GPC1: variants seen among roughly 807,000 people sequenced by gnomAD.
The protein encoded by GPC1 is glypican 1.
GPC1 carries 26 observed loss-of-function variants against 51.5 expected under a neutral mutation model. The ratio of observed to expected loss-of-function variants is 0.50; its 90% CI spans 0.37 to 0.70. GPC1 has a LOEUF of 0.70. Ranked by LOEUF, GPC1 falls within the 30% of genes least tolerant of loss-of-function variation. GPC1 has a pLI of 0.00. For synonymous variants in GPC1, 380 were observed against 348.3 expected (o/e 1.09, Z -1.01); for missense variants, 775 against 800.5 (o/e 0.97, Z 0.38).
chr2:240,440,347 G>A (rs891965318), intron 1 of GPC1, among the ~76,000 whole-genome samples: 3 of 152,188 alleles, frequency 2.0e-5, no homozygotes, highest in African/African-American at 2.4e-5. Context: ...TGAGTAAACC[G>A]AAGCCTGGTG....
chr2:240,464,883 G>A lies in GPC1; in HGVS notation c.1042G>A (p.Val348Ile), dbSNP rs1320591064. ...KVIQGCGNPK[V>I]NPQGPGPEEK... Reference sequence around the variant, plus strand: ...CATCCAGGGCTGCGGGAACCCCAAGGTCAACCCCCAGGGCCCCGGGCCTGA... The same window carrying A: ...CATCCAGGGCTGCGGGAACCCCAAGATCAACCCCCAGGGCCCCGGGCCTGA... The change falls in exon 6 of 9, where the codon GTC (valine) becomes ATC (isoleucine). Residue 348 changes from valine (V) to isoleucine (I), a missense_variant. Val to Ile is a conservative substitution (Grantham distance 29). Transcript: ENST00000264039. The A allele has an allele frequency of 3.2e-6, 5 of 1,554,902 alleles. No individual in the cohort carries two copies. Among genetic ancestry groups the A allele is most frequent in the East Asian group, 2.4e-5 (1 of 41,626 alleles).
At chr2:240,453,133 C>G in intron 1 of GPC1, 2 of 267,648 alleles carry the variant, frequency 7.5e-6, no homozygotes, top group Non-Finnish European at 7.3e-6. Flanking sequence ...CTCCTCGTCC[C>G]CACCGCCTCT....
Position 240,462,171 on chromosome 2 carries a change from C to T in GPC1, c.326-20C>T, listed in dbSNP as rs368318066. 11 of 1,549,420 alleles carry T rather than the reference C, an allele frequency of 7.1e-6. No individual in the cohort carries two copies. Among genetic ancestry groups the T allele is most frequent in the East Asian group, 6.9e-5 (3 of 43,624 alleles). ...GGCGGGGGAAACATGGTCCCGATCA[C>T]GCCCCCTCCCTGTGCGCAGACCACT... On this transcript the variant is annotated intron_variant, in intron 2 of 8. Coordinates refer to ENST00000264039, the MANE Select transcript of GPC1 (RefSeq NM_002081.3).
rs200257915 is a variant in GPC1, at chr2:240,459,027, C to T, written c.167-3C>T. On this transcript the variant is annotated splice_region_variant and splice_polypyrimidine_tract_variant and intron_variant, in intron 1 of 8. Transcript: ENST00000264039. ...TCTCCCTCACACTGGCCTTTCCCCA[C>T]AGGTGAGCACCTGCGGATCTGTCCC... 1.0e-4 allele frequency: 163 copies of T among 1,612,308 alleles called. No homozygotes were observed. The highest frequency in any genetic ancestry group is 3.7e-4 in the Admixed American group (22 of 60,002).
chr2:240,450,678 G>A (rs1333480708), intron 1 of GPC1: 3 of 469,872 alleles, frequency 6.4e-6, no homozygotes, highest in African/African-American at 4.0e-5. Context: ...AGGAGGTGCT[G>A]GCTTGGGGGG....
At chr2:240,465,022 A>C in intron 6 of GPC1, 47 bp downstream of exon 6, 4 of 1,579,198 alleles carry the variant, frequency 2.5e-6, no homozygotes, top group Non-Finnish European at 3.4e-6. Flanking sequence ...AGGGAGGCAG[A>C]CAGGCAGAGG....
At position 240,467,352 on chromosome 2, in the gene GPC1, C is replaced by T. The variant is rs927119466; in HGVS notation, c.*1062C>T. The T allele has an allele frequency of 6.6e-6, 1 of 152,302 alleles. No individual in the cohort carries two copies. Among genetic ancestry groups the T allele is most frequent in the African/African-American group, 2.4e-5 (1 of 41,474 alleles). The allele number at this position is 152,302 out of a possible 1,614,324, so 9.4% of individuals were successfully genotyped here. The stretch of plus-strand genomic sequence containing the variant: ...GCACGGGGACCTGGATAGTTAAGGG[C>T]TTTTCCAAACATGCATCCATTTACT... On this transcript the variant is annotated 3_prime_UTR_variant, in exon 9 of 9. Coordinates refer to ENST00000264039, the MANE Select transcript of GPC1 (RefSeq NM_002081.3).
intron 1 of GPC1, among the ~76,000 whole-genome samples, chr2:240,443,072 C>T (rs529397153): frequency 2.2e-4 from 34 of 152,370 alleles, no homozygotes; most frequent in African/African-American, 7.5e-4. Flanking sequence ...GTGGCAGGGC[C>T]GGGCCACTCA....
At chr2:240,454,357 C>G (rs2074136125) in intron 1 of GPC1, among the ~76,000 whole-genome samples, 4 of 152,330 alleles carry the variant, frequency 2.6e-5, no homozygotes, top group South Asian at 4.1e-4. Context: ...TGCACCCTCA[C>G]CCCAGGAGGC....
chr2:240,461,258 C>T (rs1409552732), intron 2 of GPC1, among the ~76,000 whole-genome samples: 2 of 152,186 alleles, frequency 1.3e-5, no homozygotes, highest in Non-Finnish European at 1.5e-5. Context: ...TGCCAGGGGT[C>T]AGCGTGGGGG....
chr2:240,447,814 G>A (rs1044613730), intron 1 of GPC1, among the ~76,000 whole-genome samples: 1 of 152,182 alleles, frequency 6.6e-6, no homozygotes, highest in African/African-American at 2.4e-5. Flanking sequence ...TCCAGAAGGT[G>A]GGCTGTGGAT....
chr2:240,459,840 G>A (rs6757710), intron 2 of GPC1, among the ~76,000 whole-genome samples: 3,504 of 152,276 alleles, frequency 0.023, 138 homozygotes, highest in African/African-American at 0.081. Context: ...GACAGTGTGG[G>A]GTCAGGAGGT....
chr2:240,445,133 A>G (rs560771650), intron 1 of GPC1, among the ~76,000 whole-genome samples: 1 of 152,302 alleles, frequency 6.6e-6, no homozygotes, highest in South Asian at 2.1e-4. Context: ...GGCTGTACAC[A>G]GAACACTGCT....
intron 1 of GPC1, chr2:240,458,736 G>A: frequency 5.2e-6 from 2 of 383,102 alleles, no homozygotes; most frequent in Admixed American, 8.3e-5. Flanking sequence ...TTCTTTGCTT[G>A]CAGCTGCTGG....
In GPC1 at chr2:240,466,467, T is replaced by C; in HGVS notation, c.*177T>C. ...CCAGGCCTGGCCTCGCCTGCCTTTC[T>C]GCCTTTTAATTTTGTATGAGGTCCT... On this transcript the variant is annotated 3_prime_UTR_variant, in exon 9 of 9. Coordinates refer to ENST00000264039, the MANE Select transcript of GPC1 (RefSeq NM_002081.3). 1 of 581,178 alleles carries C rather than the reference T, an allele frequency of 1.7e-6. No homozygotes were observed. The highest frequency in any genetic ancestry group is 3.1e-6 in the Non-Finnish European group (1 of 325,852). 36.0% of individuals were successfully genotyped at this position (581,178 alleles called of 1,614,324 possible). A position where few individuals can be genotyped will look rare whatever the true frequency, so the allele number is the denominator to read the frequency against.
chr2:240,448,517 G>A lies in GPC1; in HGVS notation c.167-10513G>A, dbSNP rs1001164515. On this transcript the variant is annotated intron_variant, in intron 1 of 8. Coordinates refer to ENST00000264039, the MANE Select transcript of GPC1 (RefSeq NM_002081.3). This position sits in a 1 kb window ranked among gnomAD's most constrained non-coding sequence, Gnocchi z 4.5. Reference sequence around the variant, plus strand: ...CCTGGGGGTGGAACTCTGAGCCTCCGGCTCTCCTCCGGCAGGTGGCTTCGG... The same window carrying A: ...CCTGGGGGTGGAACTCTGAGCCTCCAGCTCTCCTCCGGCAGGTGGCTTCGG... Among the ~76,000 whole-genome samples the A allele has an allele frequency of 3.2e-4, 49 of 152,258 alleles. No individual in the cohort carries two copies. Among genetic ancestry groups the A allele is most frequent in the African/African-American group, 1.0e-3 (43 of 41,572 alleles).
intron 1 of GPC1, among the ~76,000 whole-genome samples, chr2:240,441,095 C>T (rs2074013946): frequency 6.6e-6 from 1 of 152,290 alleles, no homozygotes; most frequent in African/African-American, 2.4e-5. Flanking sequence ...CACCAGCAAT[C>T]TCTAGGGACA....
At chr2:240,453,688 C>T (rs1376970790) in intron 1 of GPC1, among the ~76,000 whole-genome samples, 2 of 151,214 alleles carry the variant, frequency 1.3e-5, no homozygotes, top group Non-Finnish European at 3.0e-5. Context: ...GCACCAGTGC[C>T]CCCTCCTCGC....
chr2:240,463,306 C>G, intron 3 of GPC1, 41 bp from the exon 4 acceptor site: 2 of 1,593,810 alleles, frequency 1.3e-6, no homozygotes, highest in Non-Finnish European at 1.7e-6. Flanking sequence ...CCAGGCACCC[C>G]CAGGGCCTCG....
Sources: gnomAD v4.1 joint callset for allele counts (sites outside exome capture counted in the v4.1 genomes callset) on GRCh38, gnomAD v4.1.1 for gene constraint, Gnocchi (gnomAD v3.1) non-coding constraint, MANE v1.5 for transcripts, NCBI Gene and HGNC (gene_info 2026-07-23, HGNC 2026-07-21) for gene names.